The following CTTNBP2NL variants were observed in gnomAD, a reference collection of about 807,000 sequenced individuals.
The protein encoded by CTTNBP2NL is CTTNBP2 N-terminal-like protein.
CTTNBP2NL carries 16 observed loss-of-function variants against 32.5 expected under a neutral mutation model. The ratio of observed to expected loss-of-function variants is 0.49; its 90% CI spans 0.33 to 0.75. The LOEUF is 0.75. Ranked by LOEUF, CTTNBP2NL falls within the 30% of genes least tolerant of loss-of-function variation. The pLI, the probability that CTTNBP2NL is intolerant of heterozygous loss-of-function variation, is 0.02. For missense variants in CTTNBP2NL, 645 were observed against 756.0 expected (o/e 0.85, Z 1.72); for synonymous variants, 298 against 289.4 (o/e 1.03, Z -0.30).
At chr1:112,438,874 A>G (rs1351064034) in intron 3 of CTTNBP2NL, among the ~76,000 whole-genome samples, 1 of 152,214 alleles carries the variant, frequency 6.6e-6, no homozygotes, top group Non-Finnish European at 1.5e-5. Context: ...CCTGCAATGC[A>G]ATGATAGCCC....
intron 2 of CTTNBP2NL, chr1:112,414,680 T>C (rs1649006008): frequency 6.6e-6 from 1 of 152,214 alleles, no homozygotes; most frequent in South Asian, 2.1e-4. Flanking sequence ...TTATAAAATA[T>C]ATCTTACCAT....
chr1:112,456,405 C>G lies in CTTNBP2NL; in HGVS notation c.913C>G (p.Leu305Val), dbSNP rs764773482. 20 of 1,613,976 alleles carry G rather than the reference C, an allele frequency of 1.2e-5. No individual in the cohort carries two copies. The highest frequency in any genetic ancestry group is 1.5e-5 in the Non-Finnish European group (18 of 1,180,042). Residue 305 changes from leucine to valine, a missense_variant, in exon 6 of 6, where the codon CTC (leucine) becomes GTC (valine). By Grantham distance (32) the Leu-to-Val change is conservative. Coordinates refer to ENST00000271277, the MANE Select transcript of CTTNBP2NL (RefSeq NM_018704.3). ...GTCCAAAGGCACAGCAACTGAGCCT[C>G]TCATGCTAATGTCTGTGTTTTGCCA... ...TVSKGTATEP[L>V]MLMSVFCQTE...
chr1:112,435,134 C>A, intron 3 of CTTNBP2NL, among the ~76,000 whole-genome samples: 1 of 106,178 alleles, frequency 9.4e-6, no homozygotes, highest in African/African-American at 3.8e-5. Flanking sequence ...CAGAGCAAGA[C>A]TCTGTCTCAA....
chr1:112,391,459 G>C (rs1346447302), upstream of CTTNBP2NL, among the ~76,000 whole-genome samples: 2 of 152,200 alleles, frequency 1.3e-5, no homozygotes, highest in African/African-American at 4.8e-5. Flanking sequence ...TGGAGTCCCA[G>C]ATGTTTAGTT....
At chr1:112,441,370 A>G (rs931080332) in intron 3 of CTTNBP2NL, among the ~76,000 whole-genome samples, 2 of 152,142 alleles carry the variant, frequency 1.3e-5, no homozygotes, top group African/African-American at 4.8e-5. Flanking sequence ...GTGTCACTGT[A>G]TGTATCAGCA....
intron 2 of CTTNBP2NL, among the ~76,000 whole-genome samples, chr1:112,415,372 C>G (rs193266554): frequency 9.8e-4 from 149 of 152,240 alleles, no homozygotes; most frequent in African/African-American, 3.5e-3. Context: ...CAAACATTAT[C>G]TCTTTTCCCG....
intron 3 of CTTNBP2NL, among the ~76,000 whole-genome samples, chr1:112,419,370 T>G (rs1443060020): frequency 3.9e-5 from 6 of 152,158 alleles, no homozygotes; most frequent in Non-Finnish European, 8.8e-5. Flanking sequence ...ATAATTTACT[T>G]TCACTGAAAA....
intron 3 of CTTNBP2NL, among the ~76,000 whole-genome samples, chr1:112,428,269 T>G (rs1455335234): frequency 2.0e-5 from 3 of 152,210 alleles, no homozygotes; most frequent in Non-Finnish European, 2.9e-5. Context: ...AATGTTGATT[T>G]TTTTAAGTAA....
At chr1:112,449,753 T>TGTGTG (rs58369949) in intron 4 of CTTNBP2NL, among the ~76,000 whole-genome samples, 6 of 25,436 alleles carry the variant, frequency 2.4e-4, no homozygotes, top group African/African-American at 2.8e-4. Context: ...TGTGTGTGTG[T>TGTGTG]TTTCCATATT....
upstream of CTTNBP2NL, among the ~76,000 whole-genome samples, chr1:112,394,756 A>C (rs1384380116): frequency 6.6e-6 from 1 of 152,176 alleles, no homozygotes; most frequent in East Asian, 1.9e-4. Context: ...AGCATGTGAG[A>C]GCCAGTGTGA....
chr1:112,419,995 G>A (rs1649177894), intron 3 of CTTNBP2NL, among the ~76,000 whole-genome samples: 1 of 152,130 alleles, frequency 6.6e-6, no homozygotes, highest in East Asian at 1.9e-4. Context: ...GTTCCCAACT[G>A]GGATATTAGG....
At chr1:112,424,224 A>G (rs1157587113) in intron 3 of CTTNBP2NL, among the ~76,000 whole-genome samples, 1 of 151,950 alleles carries the variant, frequency 6.6e-6, no homozygotes, top group African/African-American at 2.4e-5. Context: ...CAATGCATGG[A>G]TCCATTTTTT....
chr1:112,455,066 A>G (rs1429856178), intron 5 of CTTNBP2NL, among the ~76,000 whole-genome samples: 1 of 152,196 alleles, frequency 6.6e-6, no homozygotes, highest in Non-Finnish European at 1.5e-5. Flanking sequence ...TTAAAATTCT[A>G]GTCGTGGCTC....
chr1:112,431,260 A>G (rs1237969685), intron 3 of CTTNBP2NL, among the ~76,000 whole-genome samples: 1 of 152,194 alleles, frequency 6.6e-6, no homozygotes, highest in Non-Finnish European at 1.5e-5. Context: ...ACTTCCTCTT[A>G]TTGTGTCTTC....
intron 3 of CTTNBP2NL, among the ~76,000 whole-genome samples, chr1:112,443,708 T>C (rs1465360386): frequency 1.3e-5 from 2 of 152,232 alleles, no homozygotes; most frequent in Non-Finnish European, 2.9e-5. Flanking sequence ...ATTTTTGTAC[T>C]ATTTTCCAAA....
Position 112,459,086 on chromosome 1 carries a change from G to T in CTTNBP2NL, c.*1674G>T, listed in dbSNP as rs997108081. On this transcript the variant is annotated 3_prime_UTR_variant, in exon 6 of 6. Transcript: ENST00000271277. ...AAACATTCTCATTTTTAAATATCAA[G>T]AAGTGATTTTAAAATGTTTAAATGG... The T allele has an allele frequency of 6.6e-6, 1 of 152,182 alleles. No individual in the cohort carries two copies. The highest frequency in any genetic ancestry group is 2.4e-5 in the African/African-American group (1 of 41,444). 9.4% of individuals were successfully genotyped at this position (152,182 alleles called of 1,614,324 possible).
chr1:112,440,084 C>CA (rs1421817336), intron 3 of CTTNBP2NL, among the ~76,000 whole-genome samples: 4 of 152,318 alleles, frequency 2.6e-5, no homozygotes, highest in Non-Finnish European at 2.9e-5. Context: ...TGTCATTACT[C>CA]ACGTTGCTTA....
intron 3 of CTTNBP2NL, among the ~76,000 whole-genome samples, chr1:112,447,097 A>G (rs945745965): frequency 9.9e-5 from 15 of 151,626 alleles, no homozygotes; most frequent in Non-Finnish European, 1.8e-4. Context: ...ACATGGTGAA[A>G]CCCCGTCTCT....
At chr1:112,451,919 C>T (rs1331974170) in intron 4 of CTTNBP2NL, among the ~76,000 whole-genome samples, 1 of 152,130 alleles carries the variant, frequency 6.6e-6, no homozygotes, top group Non-Finnish European at 1.5e-5. Flanking sequence ...AAACAGCTTC[C>T]CTCCTTCAAA....
Sources: gnomAD v4.1 joint callset for allele counts (sites outside exome capture counted in the v4.1 genomes callset) on GRCh38, gnomAD v4.1.1 for gene constraint, MANE v1.5 for transcripts, NCBI Gene and HGNC (gene_info 2026-07-23, HGNC 2026-07-21) for gene names.